Variants in CTSC observed in about 807,000 individuals in gnomAD.
CTSC encodes the protein dipeptidyl peptidase 1.
Under a neutral mutation model 40.9 loss-of-function variants are expected in CTSC, and 37 were observed. The ratio of observed to expected loss-of-function variants is 0.91; its 90% CI spans 0.70 to 1.19. The LOEUF is 1.19. CTSC is among the 50% of genes most tolerant of loss of function. The pLI is 0.00. For synonymous variants in CTSC, 232 were observed against 207.4 expected (o/e 1.12, Z -1.02); for missense variants, 594 against 567.3 (o/e 1.05, Z -0.48).
intron 2 of CTSC, among the ~76,000 whole-genome samples, chr11:88,320,649 T>A (rs893890939): frequency 6.6e-6 from 1 of 152,188 alleles, no homozygotes; most frequent in African/African-American, 2.4e-5. Context: ...TCTATAGGCT[T>A]ACACAAGATT....
At chr11:88,295,488 T>A (rs1164118995) in intron 6 of CTSC, among the ~76,000 whole-genome samples, 2 of 152,016 alleles carry the variant, frequency 1.3e-5, no homozygotes, top group African/African-American at 2.4e-5. Flanking sequence ...CAGGTGATTC[T>A]TACACCTCCG....
chr11:88,327,626 G>A (rs2134812669), intron 2 of CTSC, among the ~76,000 whole-genome samples: 1 of 152,146 alleles, frequency 6.6e-6, no homozygotes, highest in African/African-American at 2.4e-5. Flanking sequence ...TACAAAGCTG[G>A]GTCATGTCAG....
intron 4 of CTSC, among the ~76,000 whole-genome samples, chr11:88,304,735 AGATGGC>A (rs1427990955): frequency 2.0e-5 from 3 of 152,310 alleles, no homozygotes; most frequent in Non-Finnish European, 4.4e-5. Context: ...ACCAAAACCA[AGATGGC>A]GATGAGAGTG....
intron 4 of CTSC, among the ~76,000 whole-genome samples, chr11:88,304,544 A>C (rs1221931754): frequency 1.3e-5 from 2 of 152,238 alleles, no homozygotes; most frequent in African/African-American, 4.8e-5. Context: ...TGTTTGACCC[A>C]GAGCAACTCC....
At chr11:88,328,556 T>G (rs1938256652) in intron 2 of CTSC, among the ~76,000 whole-genome samples, 1 of 152,184 alleles carries the variant, frequency 6.6e-6, no homozygotes, top group African/African-American at 2.4e-5. Context: ...AGCTTGAAAT[T>G]TATTAATCAC....
intron 2 of CTSC, among the ~76,000 whole-genome samples, chr11:88,332,388 G>A (rs1591244901): frequency 1.3e-5 from 2 of 152,134 alleles, no homozygotes; most frequent in South Asian, 4.1e-4. Flanking sequence ...GGTTTCCCCA[G>A]CTGCAGGAAA....
chr11:88,307,758 A>G (rs1937665998), intron 4 of CTSC, among the ~76,000 whole-genome samples: 1 of 152,076 alleles, frequency 6.6e-6, no homozygotes, highest in Non-Finnish European at 1.5e-5. Flanking sequence ...AAGGTGATAA[A>G]TATAGTTATG....
chr11:88,325,489 A>G, intron 2 of CTSC: 4 of 985,440 alleles, frequency 4.1e-6, no homozygotes, highest in Non-Finnish European at 4.8e-6. Context: ...TATTTGTGAA[A>G]TGGCTTTTTT....
chr11:88,316,011 A>G (rs1937869705), intron 2 of CTSC, among the ~76,000 whole-genome samples: 1 of 142,160 alleles, frequency 7.0e-6, no homozygotes, highest in South Asian at 2.2e-4. Context: ...TGTATTCTCT[A>G]AAAAAAAAAA....
At chr11:88,328,789 G>A (rs902000313) in intron 2 of CTSC, among the ~76,000 whole-genome samples, 4 of 151,906 alleles carry the variant, frequency 2.6e-5, no homozygotes, top group Non-Finnish European at 5.9e-5. Flanking sequence ...CACCACACCC[G>A]GCTACTTTTT....
At chr11:88,318,564 G>A (rs536213614) in intron 2 of CTSC, among the ~76,000 whole-genome samples, 11 of 152,220 alleles carry the variant, frequency 7.2e-5, no homozygotes, top group East Asian at 1.9e-4. Flanking sequence ...GGTTTCCAGC[G>A]GAACATTGGA....
At chr11:88,309,677 CTATAT>C (rs1410460579) in intron 3 of CTSC, among the ~76,000 whole-genome samples, 5 of 151,918 alleles carry the variant, frequency 3.3e-5, no homozygotes, top group Admixed American at 6.6e-5. Flanking sequence ...GTGCTCACAA[CTATAT>C]TATATTAAAT....
chr11:88,319,494 C>T (rs1038263467), intron 2 of CTSC, among the ~76,000 whole-genome samples: 4 of 152,022 alleles, frequency 2.6e-5, no homozygotes, highest in East Asian at 1.9e-4. Flanking sequence ...TTTTAAAACA[C>T]ATCAGAAAAT....
chr11:88,315,676 CA>C (rs957198872), intron 2 of CTSC, among the ~76,000 whole-genome samples: 2 of 151,206 alleles, frequency 1.3e-5, no homozygotes, highest in Non-Finnish European at 3.0e-5. Flanking sequence ...TCTTGGGGGA[CA>C]AAAAAAAGAC....
At chr11:88,303,348 C>T (rs1937599888) in intron 4 of CTSC, among the ~76,000 whole-genome samples, 1 of 152,148 alleles carries the variant, frequency 6.6e-6, no homozygotes, top group African/African-American at 2.4e-5. Context: ...AAACTGCCCC[C>T]TACTTCTCAT....
intron 6 of CTSC, 43 bp downstream of exon 6, chr11:88,296,090 C>A (rs759647903): frequency 3.9e-5 from 62 of 1,609,420 alleles, no homozygotes; most frequent in Non-Finnish European, 5.0e-5. Flanking sequence ...CAGCTGCACA[C>A]AGGTAAATAG....
In CTSC at chr11:88,294,034, A is replaced by G; in HGVS notation, c.1364T>C (p.Val455Ala). 6.2e-7 allele frequency: 1 copy of G among 1,614,080 alleles called. No individual in the cohort carries two copies. The change falls in exon 7 of 7, where the codon GTG (valine) becomes GCG (alanine). Residue 455 changes from valine (V) to alanine (A), a missense_variant. By Grantham distance (64) the Val-to-Ala change is moderately conservative (BLOSUM62 0). Transcript: ENST00000227266. ...TDECAIESIA[V>A]AATPIPKL is the part of the protein sequence containing the mutation. ...CAATTTAGGAATTGGTGTGGCTGCC[A>G]CTGCTATGCTCTCAATTGCACACTC...
intron 2 of CTSC, among the ~76,000 whole-genome samples, chr11:88,329,565 T>A (rs371976044): frequency 6.6e-6 from 1 of 151,010 alleles, no homozygotes; most frequent in Non-Finnish European, 1.5e-5. Flanking sequence ...GTGGAGAGAA[T>A]GCTACACAGA....
rs768506957 is a variant in CTSC, at chr11:88,294,215, C to A, written c.1183G>T (p.Asp395Tyr). ...GTCAGCTCAAAGGGGTTGAAAGGGT[C>A]TCTTAGACCAGTGTGGTGGTAGATC... ...KGIYHHTGLR[D>Y]PFNPFELTNH... The change falls in exon 7 of 7, where the codon GAC (aspartate) becomes TAC (tyrosine). Residue 395 changes from aspartate (D) to tyrosine (Y), a missense_variant. Transcript: ENST00000227266. 1.2e-6 allele frequency: 2 copies of A among 1,613,984 alleles called. No homozygotes were observed. Among genetic ancestry groups the A allele is most frequent in the East Asian group, 2.2e-5 (1 of 44,860 alleles).
Sources: allele counts gnomAD v4.1 joint callset (sites outside exome capture counted in the v4.1 genomes callset), GRCh38; gene constraint gnomAD v4.1.1; transcripts MANE v1.5; gene names NCBI Gene and HGNC (gene_info 2026-07-23, HGNC 2026-07-21).